LPA: variants seen among roughly 807,000 people sequenced by gnomAD.
The protein encoded by LPA is apolipoprotein(a).
LPA carries 199 observed loss-of-function variants against 197.9 expected under a neutral mutation model. That is an observed-to-expected ratio of 1.01 (90% CI 0.90 to 1.13). LPA has a LOEUF of 1.13. Ranked by LOEUF, LPA falls within the 50% of genes most tolerant of loss-of-function variation. The pLI, the probability that LPA is intolerant of heterozygous loss-of-function variation, is 0.00. For synonymous variants in LPA, 715 were observed against 639.5 expected (o/e 1.12, Z -1.78); for missense variants, 1,853 against 1,785.8 (o/e 1.04, Z -0.68).
chr6:160,587,764 T>A (rs956610429), intron 24 of LPA, among the ~76,000 whole-genome samples: 13 of 116,728 alleles, frequency 1.1e-4, no homozygotes, highest in African/African-American at 5.1e-4. Flanking sequence ...TGTGTGTGTG[T>A]GTGTGTGTGT....
In LPA at chr6:160,570,401, C is replaced by T. The variant is rs537845195; in HGVS notation, c.4631+6735G>A. 4.6e-5 allele frequency among the ~76,000 whole-genome samples: 7 copies of T among 152,198 alleles called. No homozygotes were observed. The East Asian group carries it at 5.8e-4, about 13-fold the overall frequency. ...ATCACAAGGACAGAAATCCAAACACCGAATGTTCTCACTCATAGGTGGGAA... is the reference window on the plus strand; with the variant it reads ...ATCACAAGGACAGAAATCCAAACACTGAATGTTCTCACTCATAGGTGGGAA... On this transcript the variant is annotated intron_variant, in intron 28 of 38. Coordinates refer to ENST00000316300, the MANE Select transcript of LPA (RefSeq NM_005577.4).
chr6:160,648,459 C>T (rs1052945781), intron 2 of LPA, among the ~76,000 whole-genome samples: 5 of 152,100 alleles, frequency 3.3e-5, no homozygotes, highest in African/African-American at 1.2e-4. Flanking sequence ...AATCTCCTTC[C>T]CCCTTTCTGT....
At chr6:160,595,559 G>A in intron 20 of LPA, 24 bp from the exon 21 acceptor site, 9 of 1,613,800 alleles carry the variant, frequency 5.6e-6, no homozygotes, top group Non-Finnish European at 7.6e-6. Context: ...AACAACACAG[G>A]TCACCAGAGA....
intron 28 of LPA, among the ~76,000 whole-genome samples, chr6:160,560,552 GC>G (rs1179712690): frequency 1.3e-5 from 2 of 152,094 alleles, no homozygotes; most frequent in Non-Finnish European, 2.9e-5. Context: ...GTGATGATGA[GC>G]TTTTTTCATG....
At chr6:160,583,803 G>T (rs1381421073) in intron 26 of LPA, among the ~76,000 whole-genome samples, 1 of 152,120 alleles carries the variant, frequency 6.6e-6, no homozygotes, top group Non-Finnish European at 1.5e-5. Flanking sequence ...TAGCAAGACT[G>T]CTGTGGAATG....
Position 160,547,874 on chromosome 6 carries a change from G to T in LPA, c.5219C>A (p.Pro1740Gln), listed in dbSNP as rs1206317008. The T allele has an allele frequency of 2.5e-6, 4 of 1,613,954 alleles. No homozygotes were observed. The South Asian group carries it at 4.4e-5, about 18-fold the overall frequency. The change falls in exon 32 of 39, where the codon CCA becomes CAA. Residue 1740 changes from proline to glutamine, a missense_variant. By Grantham distance (76) the Pro-to-Gln change is moderately conservative. This residue lies in a region of LPA where 1,737 missense variants were observed against 1,504.4 expected (regional missense o/e 1.15). Coordinates refer to ENST00000316300, the MANE Select transcript of LPA (RefSeq NM_005577.4). ...CTCCTGGGCAGCCCATTCCTGGCATGGCGTCCCAGTAACAGTGGTTGCCTT... is the reference window on the plus strand; with the variant it reads ...CTCCTGGGCAGCCCATTCCTGGCATTGCGTCCCAGTAACAGTGGTTGCCTT... ...GKKATTVTGTPCQEWAAQEPH... is the reference protein window; with the variant it reads ...GKKATTVTGTQCQEWAAQEPH...
At chr6:160,661,095 C>G (rs1419781334) in intron 1 of LPA, among the ~76,000 whole-genome samples, 1 of 152,148 alleles carries the variant, frequency 6.6e-6, no homozygotes, top group African/African-American at 2.4e-5. Flanking sequence ...CTTAGGACAC[C>G]TGGCTGAGCT....
chr6:160,537,353 T>TCA (rs1777910031), intron 37 of LPA, among the ~76,000 whole-genome samples: 1 of 151,962 alleles, frequency 6.6e-6, no homozygotes, highest in Admixed American at 6.5e-5. Context: ...CCTAACACCC[T>TCA]CACACACACA....
intron 1 of LPA, among the ~76,000 whole-genome samples, chr6:160,658,590 T>C (rs1780169516): frequency 1.3e-5 from 2 of 152,170 alleles, no homozygotes; most frequent in Non-Finnish European, 2.9e-5. Flanking sequence ...ATGTATAGAG[T>C]CACTAAACTC....
rs1365469996 is a variant in LPA, at chr6:160,611,436, G to C, written c.2603+126C>G. 11 of 1,511,252 alleles carry C rather than the reference G, an allele frequency of 7.3e-6. 1 individual carries two copies. The highest frequency in any genetic ancestry group is 6.8e-5 in the East Asian group (3 of 44,410). The allele number at this position is 1,511,252 out of a possible 1,614,324, so 93.6% of individuals were successfully genotyped here. A position where few individuals can be genotyped will look rare whatever the true frequency, so the allele number is the denominator to read the frequency against. ...CTTAGCTCCAAGGAAATCATCCTGAGACATTTTGCTACACCATCTGAATCT... is the reference window on the plus strand; with the variant it reads ...CTTAGCTCCAAGGAAATCATCCTGACACATTTTGCTACACCATCTGAATCT... On this transcript the variant is annotated intron_variant, in intron 16 of 38. Coordinates refer to ENST00000316300, the MANE Select transcript of LPA (RefSeq NM_005577.4).
intron 16 of LPA, among the ~76,000 whole-genome samples, chr6:160,609,534 G>C (rs528536535): frequency 6.6e-6 from 1 of 151,512 alleles, no homozygotes; most frequent in Non-Finnish European, 1.5e-5. Flanking sequence ...TTTTTTTCTC[G>C]AAATTTCCTA....
chr6:160,553,538 A>G (rs1219699417), intron 30 of LPA, among the ~76,000 whole-genome samples: 1 of 152,072 alleles, frequency 6.6e-6, no homozygotes, highest in Non-Finnish European at 1.5e-5. Flanking sequence ...TAAAGATGTT[A>G]TGCCATTGTT....
intron 2 of LPA, among the ~76,000 whole-genome samples, chr6:160,648,292 G>A (rs1276348993): frequency 6.6e-6 from 1 of 152,002 alleles, no homozygotes; most frequent in East Asian, 1.9e-4. Flanking sequence ...TTTGCCCTCT[G>A]ACAGTTGAAC....
At position 160,566,248 on chromosome 6, in the gene LPA, C is replaced by T. The variant is rs370437339; in HGVS notation, c.4632-8677G>A. Among the ~76,000 whole-genome samples, 35 of 151,984 alleles carry T rather than the reference C, an allele frequency of 2.3e-4. 1 individual carries two copies. In the South Asian group the frequency reaches 6.7e-3, roughly 29 times the overall value. On this transcript the variant is annotated intron_variant, in intron 28 of 38. Transcript: ENST00000316300. ...TAATTGTCAGATTCACCAGAAAGGT[C>T]GGGTTACCCACAAAGGGAAGCCCAT...
Position 160,566,870 on chromosome 6 carries a change from A to G in LPA, c.4632-9299T>C, listed in dbSNP as rs183999786. ...TAGTCTCTGATAAAACAGACTTTAA[A>G]CTAACAAAGATCAAAAGAGACAAAG... On this transcript the variant is annotated intron_variant, in intron 28 of 38. Coordinates refer to ENST00000316300, the MANE Select transcript of LPA (RefSeq NM_005577.4). Among the ~76,000 whole-genome samples the G allele has an allele frequency of 1.2e-3, 183 of 152,344 alleles. 2 individuals are homozygous for G. The highest frequency in any genetic ancestry group is 4.1e-3 in the African/African-American group (171 of 41,578).
chr6:160,592,492 A>G (rs192483756), intron 22 of LPA, among the ~76,000 whole-genome samples: 1 of 152,222 alleles, frequency 6.6e-6, no homozygotes, highest in Non-Finnish European at 1.5e-5. Flanking sequence ...TGCATTTTAA[A>G]TGTTCTTGCC....
intron 25 of LPA, among the ~76,000 whole-genome samples, chr6:160,585,717 C>A (rs545381750): frequency 6.6e-6 from 1 of 152,172 alleles, no homozygotes; most frequent in East Asian, 1.9e-4. Flanking sequence ...AGACACATTG[C>A]CTCTCAGGGA....
chr6:160,603,962 C>T (rs562318254), intron 18 of LPA, among the ~76,000 whole-genome samples: 12 of 152,304 alleles, frequency 7.9e-5, no homozygotes, highest in African/African-American at 2.2e-4. Context: ...TCCCAGAATG[C>T]TATGAGGGCT....
chr6:160,565,222 T>C (rs1056606857), intron 28 of LPA, among the ~76,000 whole-genome samples: 2 of 152,172 alleles, frequency 1.3e-5, no homozygotes, highest in Non-Finnish European at 2.9e-5. Context: ...ACAGACTGCC[T>C]CCTCAAGTGG....
Sources: allele counts gnomAD v4.1 joint callset (sites outside exome capture counted in the v4.1 genomes callset), GRCh38; gene constraint gnomAD v4.1.1; regional missense constraint gnomAD v4.1.1; transcripts MANE v1.5; gene names NCBI Gene and HGNC (gene_info 2026-07-23, HGNC 2026-07-21).